DPP6: variants seen among roughly 807,000 people sequenced by gnomAD.
DPP6 encodes the protein A-type potassium channel modulatory protein DPP6.
In DPP6, 69 loss-of-function variants were observed where a neutral mutation model predicts 122.6. The observed-to-expected ratio is 0.56, with a 90% CI of 0.46 to 0.69. The LOEUF is 0.69. Among genes scored for constraint, DPP6 ranks in the 30% least tolerant of loss-of-function variants. The probability of loss-of-function intolerance (pLI) is 0.00; values close to 1 mark genes in which losing one functional copy is unlikely to be tolerated. For synonymous variants in DPP6, 418 were observed against 433.1 expected (o/e 0.97, Z 0.43); for missense variants, 928 against 1,116.9 (o/e 0.83, Z 2.41).
At chr7:154,688,939 A>T (rs529141965) in intron 7 of DPP6, among the ~76,000 whole-genome samples, 1 of 152,302 alleles carries the variant, frequency 6.6e-6, no homozygotes, top group South Asian at 2.1e-4. Context: ...TTTTCTATTG[A>T]TTTTGCATCC....
the DPP6 span, among the ~76,000 whole-genome samples, chr7:153,826,246 A>G: frequency 6.6e-6 from 1 of 152,212 alleles, no homozygotes; most frequent in African/African-American, 2.4e-5. Flanking sequence ...TAAAGGAAAA[A>G]CAGATAAAAG....
rs78090465 is a variant in DPP6, at chr7:154,527,831, G to A, written c.458-12701G>A. Among the ~76,000 whole-genome samples the A allele has an allele frequency of 6.2e-3, 950 of 152,028 alleles. 11 individuals carry two copies. The highest frequency in any genetic ancestry group is 0.02 in the African/African-American group (850 of 41,470). On this transcript the variant is annotated intron_variant, in intron 3 of 25. Coordinates refer to ENST00000377770, the MANE Select transcript of DPP6 (RefSeq NM_130797.4). ...AACATTATTTAAATTTTTAACATAC[G>A]CATGGTCTTCAAAAGCCTTTTTAAA...
intron 1 of DPP6, among the ~76,000 whole-genome samples, chr7:154,310,301 G>T (rs1489973713): frequency 6.6e-6 from 1 of 152,214 alleles, no homozygotes; most frequent in Non-Finnish European, 1.5e-5. Context: ...AAGCAAGCAC[G>T]CAACTAGCCT....
At chr7:154,659,408 C>G (rs1033383989) in intron 6 of DPP6, among the ~76,000 whole-genome samples, 1 of 152,218 alleles carries the variant, frequency 6.6e-6, no homozygotes, top group African/African-American at 2.4e-5. Context: ...ACATATACAT[C>G]TACACATTCA....
chr7:154,893,435 T>C lies in DPP6; in HGVS notation c.*955T>C. The C allele has an allele frequency of 8.0e-6, 1 of 124,838 alleles. No homozygotes were observed. The highest frequency in any genetic ancestry group is 3.2e-5 in the African/African-American group (1 of 30,848). The allele number at this position is 124,838 out of a possible 1,614,324, so 7.7% of individuals were successfully genotyped here. On this transcript the variant is annotated 3_prime_UTR_variant, in exon 26 of 26. Transcript: ENST00000377770. ...CTCCTTGGTACCGTATCAAGCTCTT[T>C]CCCATGACATTTGGTTTAAAAAAAA...
chr7:154,045,548 T>C (rs552788773), intron 1 of DPP6, among the ~76,000 whole-genome samples: 1 of 152,368 alleles, frequency 6.6e-6, no homozygotes, highest in East Asian at 1.9e-4. Flanking sequence ...GCTTTCGCTG[T>C]TGGTCCAGAA....
intron 5 of DPP6, among the ~76,000 whole-genome samples, chr7:154,584,606 G>A (rs1292209191): frequency 6.6e-6 from 1 of 152,182 alleles, no homozygotes; most frequent in Non-Finnish European, 1.5e-5. Context: ...CACGTCGCTC[G>A]GGACGCCCAT....
intron 1 of DPP6, among the ~76,000 whole-genome samples, chr7:154,143,523 A>G (rs1795945419): frequency 2.6e-5 from 4 of 151,882 alleles, no homozygotes; most frequent in Admixed American, 1.3e-4. Context: ...ACAAAAGGGA[A>G]ATACAAAAGT....
At chr7:154,730,753 T>A (rs1468563519) in intron 8 of DPP6, among the ~76,000 whole-genome samples, 1 of 152,156 alleles carries the variant, frequency 6.6e-6, no homozygotes, top group African/African-American at 2.4e-5. Context: ...AAAGGGCCCC[T>A]AGAATTTTGG....
chr7:154,434,841 T>G (rs1818726168), intron 1 of DPP6, among the ~76,000 whole-genome samples: 1 of 152,112 alleles, frequency 6.6e-6, no homozygotes, highest in Non-Finnish European at 1.5e-5. Flanking sequence ...CTATTTTTAT[T>G]TTTATTTTTT....
At chr7:154,345,683 G>A (rs1030985407) in intron 1 of DPP6, among the ~76,000 whole-genome samples, 1 of 152,110 alleles carries the variant, frequency 6.6e-6, no homozygotes, top group Admixed American at 6.5e-5. Flanking sequence ...AGAGCCCAGA[G>A]GTCAGCTATG....
At chr7:154,534,078 T>C (rs1293028367) in intron 3 of DPP6, among the ~76,000 whole-genome samples, 3 of 152,142 alleles carry the variant, frequency 2.0e-5, no homozygotes, top group Non-Finnish European at 4.4e-5. Flanking sequence ...AAAGTTGGTT[T>C]AACATCTGAA....
intron 1 of DPP6, among the ~76,000 whole-genome samples, chr7:154,127,383 T>C (rs1807964596): frequency 6.6e-6 from 1 of 152,192 alleles, no homozygotes; most frequent in Non-Finnish European, 1.5e-5. Context: ...GATTAAAATC[T>C]GTGGTGAGGA....
chr7:153,781,874 T>C, the DPP6 span, among the ~76,000 whole-genome samples: 12 of 151,806 alleles, frequency 7.9e-5, no homozygotes, highest in Non-Finnish European at 1.2e-4. Context: ...TGAGATGTTG[T>C]TACTGTTTTA....
At chr7:154,806,876 G>T (rs1021483185) in intron 15 of DPP6, 118 bp from the exon 16 acceptor site, 19 of 1,365,102 alleles carry the variant, frequency 1.4e-5, no homozygotes, top group Middle Eastern at 2.2e-4. Context: ...GGCCCGGGGG[G>T]TCTGTAGCAG....
At chr7:153,876,816 C>T in the DPP6 span, among the ~76,000 whole-genome samples, 19 of 152,040 alleles carry the variant, frequency 1.2e-4, 1 homozygote, top group Non-Finnish European at 2.5e-4. Context: ...ACCTGTACAG[C>T]ATGTTGCTGG....
At chr7:154,533,294 G>T (rs896001679) in intron 3 of DPP6, among the ~76,000 whole-genome samples, 2 of 152,136 alleles carry the variant, frequency 1.3e-5, no homozygotes, top group Admixed American at 1.3e-4. Context: ...AATGAGAAAA[G>T]ATCTTTTCTC....
intron 1 of DPP6, among the ~76,000 whole-genome samples, chr7:154,128,362 T>C (rs544536185): frequency 2.5e-4 from 38 of 152,354 alleles, no homozygotes; most frequent in Middle Eastern, 3.4e-3. Flanking sequence ...GGAGGGTCAC[T>C]TGAGCCCAGG....
chr7:154,257,352 G>A (rs1802722269), intron 1 of DPP6, among the ~76,000 whole-genome samples: 1 of 151,918 alleles, frequency 6.6e-6, no homozygotes, highest in African/African-American at 2.4e-5. Context: ...TCTGCCCTCT[G>A]GGGATGTGGA....
Sources: gnomAD v4.1 joint callset for allele counts (sites outside exome capture counted in the v4.1 genomes callset) on GRCh38, gnomAD v4.1.1 for gene constraint, MANE v1.5 for transcripts, NCBI Gene and HGNC (gene_info 2026-07-23, HGNC 2026-07-21) for gene names.